SRSF4: variants seen among roughly 807,000 people sequenced by gnomAD.
SRSF4 encodes the protein serine and arginine rich splicing factor 4, also known as serine/arginine-rich splicing factor 4.
Under a neutral mutation model 48.8 loss-of-function variants are expected in SRSF4, and 12 were observed. The ratio of observed to expected loss-of-function variants is 0.25; its 90% CI spans 0.16 to 0.40. The LOEUF is 0.40. Among genes scored for constraint, SRSF4 ranks in the 10% least tolerant of loss-of-function variants. SRSF4 has a pLI of 1.00. For missense variants in SRSF4, 466 were observed against 667.1 expected (o/e 0.70, Z 3.32); for synonymous variants, 248 against 232.5 (o/e 1.07, Z -0.61).
At chr1:29,162,428 T>C (rs1672612767) in intron 1 of SRSF4, among the ~76,000 whole-genome samples, 1 of 152,216 alleles carries the variant, frequency 6.6e-6, no homozygotes, top group African/African-American at 2.4e-5. Flanking sequence ...TATACTATTA[T>C]TTTCAGAGAC....
chr1:29,178,163 G>A (rs1023395009), intron 1 of SRSF4, among the ~76,000 whole-genome samples: 1 of 151,940 alleles, frequency 6.6e-6, no homozygotes, highest in East Asian at 1.9e-4. Flanking sequence ...GCCTCCCAAG[G>A]TGATGGGATT....
chr1:29,178,998 A>G (rs1157274835), intron 1 of SRSF4, among the ~76,000 whole-genome samples: 3 of 152,084 alleles, frequency 2.0e-5, no homozygotes, highest in Admixed American at 1.3e-4. Flanking sequence ...ATGACATTTC[A>G]TGCATATCAT....
Position 29,147,916 on chromosome 1 carries a change from A to G in SRSF4, c.*494T>C, listed in dbSNP as rs1574186083. ...CTCTACAGTTTATTTCCTATGGGTT[A>G]CTGCAGGTATCAATTTTCCTCGACT... On this transcript the variant is annotated 3_prime_UTR_variant, in exon 6 of 6. Coordinates refer to ENST00000373795, the MANE Select transcript of SRSF4 (RefSeq NM_005626.5). The G allele has an allele frequency of 2.9e-6, 1 of 348,148 alleles. No homozygotes were observed. Among genetic ancestry groups the G allele is most frequent in the East Asian group, 7.4e-5 (1 of 13,444 alleles). The allele number at this position is 348,148 out of a possible 1,614,324, so 21.6% of individuals were successfully genotyped here.
At chr1:29,154,388 G>T (rs1672466316) in intron 4 of SRSF4, 2 of 289,994 alleles carry the variant, frequency 6.9e-6, no homozygotes. Context: ...GTACAGATGG[G>T]GTTTCACCAT....
At position 29,152,183 on chromosome 1, in the gene SRSF4, T is replaced by C. The variant is rs1672420847; in HGVS notation, c.579-1991A>G. Among the ~76,000 whole-genome samples, 3 of 152,202 alleles carry C rather than the reference T, an allele frequency of 2.0e-5. No individual in the cohort carries two copies. In the South Asian group the frequency reaches 6.2e-4, roughly 31 times the overall value. On this transcript the variant is annotated intron_variant, in intron 4 of 5. Transcript: ENST00000373795. Reference sequence around the variant, plus strand: ...CATCATAGTATGGAATTATTGCTAATTTTGCTAGCTATGTTATCATGGTTT... The same window carrying C: ...CATCATAGTATGGAATTATTGCTAACTTTGCTAGCTATGTTATCATGGTTT...
intron 1 of SRSF4, among the ~76,000 whole-genome samples, chr1:29,163,342 GA>G (rs1040120251): frequency 3.9e-5 from 6 of 152,178 alleles, no homozygotes; most frequent in African/African-American, 1.4e-4. Flanking sequence ...AAATCTATTT[GA>G]AACATATCAA....
chr1:29,160,730 CTTT>C (rs1174065170), intron 1 of SRSF4, among the ~76,000 whole-genome samples: 1 of 152,184 alleles, frequency 6.6e-6, no homozygotes, highest in Non-Finnish European at 1.5e-5. Flanking sequence ...AGACTCCTAT[CTTT>C]CTAGGAGGAG....
At chr1:29,149,309 G>T (rs1672365708) in intron 5 of SRSF4, 83 bp from the exon 6 acceptor site, 3 of 1,458,770 alleles carry the variant, frequency 2.1e-6, no homozygotes, top group Admixed American at 4.4e-5. Flanking sequence ...CATACATGTG[G>T]AGTTACACCC....
rs1360880683 is a variant in SRSF4, at chr1:29,148,962, C to T, written c.933G>A (p.Glu311=). Residue 311 remains glutamate, a synonymous_variant, in exon 6 of 6, where the codon GAG becomes GAA. Coordinates refer to ENST00000373795, the MANE Select transcript of SRSF4 (RefSeq NM_005626.5). ...RSRSQERRVE[E]EKRGSVSRGR... ...CCCTGCTCACACTCCCTCGCTTCTC[C>T]TCCTCCACTCTCCTCTCCTGACTCC... The T allele has an allele frequency of 1.2e-6, 2 of 1,612,472 alleles. No individual in the cohort carries two copies. The highest frequency in any genetic ancestry group is 2.7e-5 in the African/African-American group (2 of 74,404).
At chr1:29,177,359 G>A (rs1258480589) in intron 1 of SRSF4, among the ~76,000 whole-genome samples, 8 of 149,170 alleles carry the variant, frequency 5.4e-5, no homozygotes, top group Admixed American at 3.4e-4. Flanking sequence ...TCGGCTCACC[G>A]CAACCTATGC....
At chr1:29,149,341 C>A in intron 5 of SRSF4, 115 bp from the exon 6 acceptor site, 1 of 1,289,566 alleles carries the variant, frequency 7.8e-7, no homozygotes, top group Non-Finnish European at 1.0e-6. Flanking sequence ...GCATGGCTGG[C>A]ACTGGCTGAG....
intron 3 of SRSF4, among the ~76,000 whole-genome samples, chr1:29,157,665 A>T (rs936762598): frequency 6.6e-6 from 1 of 152,218 alleles, no homozygotes; most frequent in African/African-American, 2.4e-5. Context: ...GCTTTAAATT[A>T]AACTATACAA....
chr1:29,160,549 A>G, intron 1 of SRSF4, 32 bp from the exon 2 acceptor site: 1 of 1,568,470 alleles, frequency 6.4e-7, no homozygotes, highest in Non-Finnish European at 8.6e-7. Context: ...ACTGGTTGGT[A>G]CCATTTTGAC....
At chr1:29,177,982 C>T (rs1306566507) in intron 1 of SRSF4, among the ~76,000 whole-genome samples, 2 of 149,416 alleles carry the variant, frequency 1.3e-5, no homozygotes, top group East Asian at 2.0e-4. Flanking sequence ...TCACTGCAAC[C>T]TCCACCTCCC....
chr1:29,176,483 A>G (rs1672855554), intron 1 of SRSF4, among the ~76,000 whole-genome samples: 1 of 127,354 alleles, frequency 7.9e-6, no homozygotes, highest in Admixed American at 7.3e-5. Flanking sequence ...TAAAAACTAA[A>G]AACTTTAAAA....
At chr1:29,150,856 C>T (rs1255959666) in intron 4 of SRSF4, among the ~76,000 whole-genome samples, 1 of 152,302 alleles carries the variant, frequency 6.6e-6, no homozygotes, top group Admixed American at 6.5e-5. Flanking sequence ...TCCTGATCTT[C>T]GGTCTTTCTA....
chr1:29,180,452 T>G (rs1363948415), intron 1 of SRSF4, among the ~76,000 whole-genome samples: 1 of 152,254 alleles, frequency 6.6e-6, no homozygotes, highest in African/African-American at 2.4e-5. Flanking sequence ...AAATGGCTTT[T>G]TAAACCCAAA....
intron 1 of SRSF4, 45 bp from the exon 2 acceptor site, chr1:29,160,562 C>G: frequency 6.4e-7 from 1 of 1,551,960 alleles, no homozygotes; most frequent in Non-Finnish European, 8.7e-7. Context: ...ATTTTGACAT[C>G]CAGCTTCACT....
chr1:29,148,868 G>A lies in SRSF4; in HGVS notation c.1027C>T (p.Arg343Trp), dbSNP rs1672353470. The A allele has an allele frequency of 5.6e-6, 9 of 1,601,064 alleles. No individual in the cohort carries two copies. The highest frequency in any genetic ancestry group is 1.4e-5 in the African/African-American group (1 of 73,658). ...TTGCTCTTGCTGCGGCTCCTGCTCC[G>A]GCTCCTGCTGCCCCCTTTGCTCCTG... ...RSRSKGGSRS[R>W]SRSRSKSKDK... Residue 343 changes from arginine (R) to tryptophan (W), a missense_variant, in exon 6 of 6, where the codon CGG becomes TGG. Arg to Trp is a moderately radical substitution (Grantham distance 101). Transcript: ENST00000373795.
Sources: gnomAD v4.1 joint callset for allele counts (sites outside exome capture counted in the v4.1 genomes callset) on GRCh38, gnomAD v4.1.1 for gene constraint, MANE v1.5 for transcripts, NCBI Gene and HGNC (gene_info 2026-07-23, HGNC 2026-07-21) for gene names.